FCHO2: variants seen among roughly 807,000 people sequenced by gnomAD.
The protein encoded by FCHO2 is F-BAR domain only protein 2.
Under a neutral mutation model 114.1 loss-of-function variants are expected in FCHO2, and 43 were observed. The observed-to-expected ratio is 0.38, with a 90% CI of 0.30 to 0.49. FCHO2 has a LOEUF of 0.49. Among genes scored for constraint, FCHO2 ranks in the 20% least tolerant of loss-of-function variants. FCHO2 has a pLI of 0.97. For missense variants in FCHO2, 807 were observed against 950.4 expected (o/e 0.85, Z 1.98); for synonymous variants, 293 against 315.2 (o/e 0.93, Z 0.75).
At chr5:73,075,063 A>G (rs907140998) in intron 20 of FCHO2, among the ~76,000 whole-genome samples, 2 of 152,176 alleles carry the variant, frequency 1.3e-5, no homozygotes, top group Non-Finnish European at 2.9e-5. Context: ...TTGAGCACCT[A>G]TTATTTCTAA....
chr5:73,053,818 C>G (rs967840978), intron 13 of FCHO2, among the ~76,000 whole-genome samples: 5 of 151,860 alleles, frequency 3.3e-5, no homozygotes, highest in African/African-American at 9.7e-5. Flanking sequence ...AAACAAAAGC[C>G]TAGAGGAATA....
chr5:72,975,066 A>C (rs938969565), intron 2 of FCHO2, among the ~76,000 whole-genome samples: 4 of 152,212 alleles, frequency 2.6e-5, no homozygotes, highest in Non-Finnish European at 4.4e-5. Context: ...CAAAGTGGTC[A>C]CTGCTCTAAG....
chr5:72,994,532 G>A (rs986105307), intron 5 of FCHO2, among the ~76,000 whole-genome samples: 3 of 152,166 alleles, frequency 2.0e-5, no homozygotes, highest in African/African-American at 7.2e-5. Context: ...ACTGTTGGTG[G>A]GAGTGTAAAT....
chr5:72,969,787 A>G (rs1220028897), intron 2 of FCHO2, among the ~76,000 whole-genome samples: 5 of 152,196 alleles, frequency 3.3e-5, no homozygotes, highest in Non-Finnish European at 7.3e-5. Flanking sequence ...CATAGTATGT[A>G]TAACTGTCTG....
chr5:73,038,655 C>G (rs1291504464), intron 10 of FCHO2, among the ~76,000 whole-genome samples: 1 of 152,124 alleles, frequency 6.6e-6, no homozygotes, highest in Non-Finnish European at 1.5e-5. Context: ...CCTAGAATTT[C>G]TTTCATTTTA....
chr5:73,008,482 G>A (rs1754831299), intron 6 of FCHO2, among the ~76,000 whole-genome samples: 1 of 152,070 alleles, frequency 6.6e-6, no homozygotes, highest in East Asian at 1.9e-4. Context: ...AGAGATGAAT[G>A]GGGAAGATTA....
chr5:72,996,879 C>T, intron 5 of FCHO2: 3 of 1,465,102 alleles, frequency 2.0e-6, no homozygotes, highest in Non-Finnish European at 1.8e-6. Context: ...GCCCCCGGGG[C>T]CGGCGGGGCC....
intron 2 of FCHO2, among the ~76,000 whole-genome samples, chr5:72,976,741 T>C (rs1474577609): frequency 6.6e-6 from 1 of 152,080 alleles, no homozygotes; most frequent in African/African-American, 2.4e-5. Flanking sequence ...TCATCCACAT[T>C]AGGTCTTTCT....
At chr5:73,071,939 T>G (rs1319521791) in intron 19 of FCHO2, among the ~76,000 whole-genome samples, 1 of 152,056 alleles carries the variant, frequency 6.6e-6, no homozygotes, top group African/African-American at 2.4e-5. Flanking sequence ...TTATGCAGGT[T>G]TCTTTTAATT....
Position 72,996,881 on chromosome 5 carries a change from G to A in FCHO2, c.495+6017G>A, listed in dbSNP as rs960838746. On this transcript the variant is annotated intron_variant, in intron 5 of 25. Coordinates refer to ENST00000430046, the MANE Select transcript of FCHO2 (RefSeq NM_138782.3). ...CTGTGCCACGGGGGCCCCCGGGGCC[G>A]GCGGGGCCGGCAGAGCAGGCAGTGC... 3.4e-6 allele frequency: 5 copies of A among 1,474,404 alleles called. No individual in the cohort carries two copies. The Admixed American group carries it at 6.0e-5, about 18-fold the overall frequency. The allele number at this position is 1,474,404 out of a possible 1,614,324, so 91.3% of individuals were successfully genotyped here. A position where few individuals can be genotyped will look rare whatever the true frequency, so the allele number is the denominator to read the frequency against.
intron 2 of FCHO2, 151 bp from the exon 3 acceptor site, chr5:72,989,276 C>T: frequency 1.7e-6 from 1 of 577,848 alleles, no homozygotes; most frequent in East Asian, 2.8e-5. Context: ...TGAAGATAGG[C>T]CGGAAATTCA....
intron 8 of FCHO2, among the ~76,000 whole-genome samples, chr5:73,025,108 AAACT>A (rs1236071350): frequency 2.0e-5 from 3 of 152,314 alleles, no homozygotes; most frequent in South Asian, 2.1e-4. Context: ...GTCCTAGAAC[AAACT>A]AACTAGTGTG....
At chr5:73,021,517 A>C (rs1329373785) in intron 8 of FCHO2, among the ~76,000 whole-genome samples, 2 of 152,168 alleles carry the variant, frequency 1.3e-5, no homozygotes, top group Admixed American at 1.3e-4. Flanking sequence ...AAAATGCTGT[A>C]TTCCACTACT....
chr5:73,079,243 G>A (rs749787747), intron 22 of FCHO2, among the ~76,000 whole-genome samples: 2 of 152,108 alleles, frequency 1.3e-5, no homozygotes, highest in Non-Finnish European at 2.9e-5. Context: ...GGGACTAAAG[G>A]CACAAACCAC....
At position 73,052,429 on chromosome 5, in the gene FCHO2, T is replaced by A; in HGVS notation, c.1095T>A (p.Asn365Lys). 1.2e-6 allele frequency: 2 copies of A among 1,603,308 alleles called. No homozygotes were observed. The highest frequency in any genetic ancestry group is 2.2e-5 in the East Asian group (1 of 44,700). The change falls in exon 13 of 26, where the codon AAT (asparagine) becomes AAA (lysine). Residue 365 changes from asparagine to lysine, a missense_variant. Physicochemically the swap from Asn to Lys is moderately conservative, Grantham distance 94 (BLOSUM62 0). Coordinates refer to ENST00000430046, the MANE Select transcript of FCHO2 (RefSeq NM_138782.3). Reference protein sequence around the residue: ...YRIEIKPMHPNNSHHTMASLD... With the variant: ...YRIEIKPMHPKNSHHTMASLD... ...TAGAAATTAAGCCTATGCATCCAAATAACTCACATCACACAATGGCTTCTT... is the reference window on the plus strand; with the variant it reads ...TAGAAATTAAGCCTATGCATCCAAAAAACTCACATCACACAATGGCTTCTT...
chr5:72,966,981 T>C (rs1489084863), intron 1 of FCHO2, among the ~76,000 whole-genome samples: 1 of 152,218 alleles, frequency 6.6e-6, no homozygotes, highest in East Asian at 1.9e-4. Context: ...AGTGATCTAG[T>C]TCTATTAATA....
rs570059146 is a variant in FCHO2 at position 73,054,102 on chromosome 5, CA to C, written c.1174-53del. 1.1e-3 allele frequency: 1,362 copies of C among 1,296,228 alleles called. 38 individuals are homozygous for C. In the Admixed American group the frequency reaches 0.035, roughly 33 times the overall value. 80.3% of individuals were successfully genotyped at this position (1,296,228 alleles called of 1,614,324 possible). A position where few individuals can be genotyped will look rare whatever the true frequency, so the allele number is the denominator to read the frequency against. On this transcript the variant is annotated intron_variant, in intron 13 of 25. Coordinates refer to ENST00000430046, the MANE Select transcript of FCHO2 (RefSeq NM_138782.3). ...TAGGGAATGATAAATTATTACAGCA[CA>C]AAAATACAGTATTCAGAATTCTAAC...
At chr5:72,981,439 G>A (rs1422097285) in intron 2 of FCHO2, among the ~76,000 whole-genome samples, 2 of 152,044 alleles carry the variant, frequency 1.3e-5, no homozygotes, top group African/African-American at 2.4e-5. Flanking sequence ...TGCTCTTCTC[G>A]AGGAGTATCT....
At chr5:73,083,592 T>G (rs1324122990) in intron 24 of FCHO2, among the ~76,000 whole-genome samples, 2 of 152,196 alleles carry the variant, frequency 1.3e-5, no homozygotes, top group African/African-American at 4.8e-5. Flanking sequence ...GCTTCCAGGC[T>G]TTAAAAAGCC....
Sources: gnomAD v4.1 joint callset for allele counts (sites outside exome capture counted in the v4.1 genomes callset) on GRCh38, gnomAD v4.1.1 for gene constraint, MANE v1.5 for transcripts, NCBI Gene and HGNC (gene_info 2026-07-23, HGNC 2026-07-21) for gene names.